The following TMEM232 variants were observed in gnomAD, a reference collection of about 807,000 sequenced individuals.
The protein encoded by TMEM232 is transmembrane protein 232.
TMEM232 carries 80 observed loss-of-function variants against 78.8 expected under a neutral mutation model. That is an observed-to-expected ratio of 1.01 (90% CI 0.85 to 1.22). TMEM232 has a LOEUF of 1.22. TMEM232 is among the 50% of genes most tolerant of loss of function. The pLI, the probability that TMEM232 is intolerant of heterozygous loss-of-function variation, is 0.00. For synonymous variants in TMEM232, 297 were observed against 254.3 expected, an observed-to-expected ratio of 1.17 and a Z score of -1.60; for missense variants, 881 against 742.2, an observed-to-expected ratio of 1.19 and a Z score of -2.17.
At chr5:110,518,128 C>G (rs1429836302) in intron 12 of TMEM232, among the ~76,000 whole-genome samples, 1 of 151,182 alleles carries the variant, frequency 6.6e-6, no homozygotes, top group South Asian at 2.1e-4. Context: ...TGTCTACTCT[C>G]TCTCTCTCTC....
intron 13 of TMEM232, among the ~76,000 whole-genome samples, chr5:110,424,600 G>A (rs1345548610): frequency 6.6e-6 from 1 of 152,092 alleles, no homozygotes; most frequent in Non-Finnish European, 1.5e-5. Flanking sequence ...AACAGGATTA[G>A]GTTAGTATTT....
intron 1 of TMEM232, among the ~76,000 whole-genome samples, chr5:110,708,462 A>G (rs550053830): frequency 2.0e-5 from 3 of 152,334 alleles, no homozygotes; most frequent in East Asian, 3.9e-4. Context: ...CATTGTAATC[A>G]TGGTATGTAA....
intron 10 of TMEM232, among the ~76,000 whole-genome samples, chr5:110,593,651 T>C (rs915574499): frequency 6.6e-6 from 1 of 152,100 alleles, no homozygotes; most frequent in Non-Finnish European, 1.5e-5. Flanking sequence ...CAGAGTAGAA[T>C]GATGGTTACT....
intron 1 of TMEM232, among the ~76,000 whole-genome samples, chr5:110,687,119 C>G (rs1346757998): frequency 6.6e-6 from 1 of 152,098 alleles, no homozygotes; most frequent in Non-Finnish European, 1.5e-5. Flanking sequence ...CCTTTCTTCC[C>G]CCTGAGAAAA....
chr5:110,457,349 C>T (rs1382725369), intron 12 of TMEM232, among the ~76,000 whole-genome samples: 1 of 152,014 alleles, frequency 6.6e-6, no homozygotes, highest in Admixed American at 6.6e-5. Context: ...CTACAGTTAA[C>T]AAACAACCAA....
chr5:110,425,505 G>A (rs573241471), intron 12 of TMEM232, among the ~76,000 whole-genome samples: 5 of 152,140 alleles, frequency 3.3e-5, no homozygotes, highest in Non-Finnish European at 4.4e-5. Context: ...TTAGGGAAGA[G>A]CCTAAAAAGA....
intron 12 of TMEM232, among the ~76,000 whole-genome samples, chr5:110,430,252 CAA>C (rs1393678675): frequency 2.0e-5 from 3 of 151,506 alleles, no homozygotes; most frequent in South Asian, 2.1e-4. Context: ...GCTTATTGCT[CAA>C]AGTTTTCTCT....
chr5:110,452,951 A>AT (rs1378156419), intron 12 of TMEM232, among the ~76,000 whole-genome samples: 1 of 152,228 alleles, frequency 6.6e-6, no homozygotes, highest in East Asian at 1.9e-4. Context: ...GGTGCTTAAC[A>AT]GAACGCTTCT....
At chr5:110,555,586 G>A (rs144706351) in intron 11 of TMEM232, among the ~76,000 whole-genome samples, 24 of 152,226 alleles carry the variant, frequency 1.6e-4, no homozygotes, top group African/African-American at 5.3e-4. Flanking sequence ...TGATCTCTCT[G>A]TCAGTGGAGT....
chr5:110,738,876 C>T, upstream of TMEM232: 1 of 940,200 alleles, frequency 1.1e-6, no homozygotes, highest in Non-Finnish European at 1.5e-6. Flanking sequence ...TATTCCCTAA[C>T]GACAACAAAC....
chr5:110,643,282 G>A (rs1787007052), intron 2 of TMEM232, among the ~76,000 whole-genome samples: 1 of 152,000 alleles, frequency 6.6e-6, no homozygotes, highest in African/African-American at 2.4e-5. Flanking sequence ...GATGATCATG[G>A]CCATCCAAGT....
chr5:110,395,972 G>A (rs911676394), intron 3 of TMEM232, among the ~76,000 whole-genome samples: 6 of 152,120 alleles, frequency 3.9e-5, no homozygotes, highest in African/African-American at 1.4e-4. Context: ...AAGATAGAAG[G>A]AGCCTCATAC....
At position 110,568,518 on chromosome 5, in the gene TMEM232, A is replaced by G; in HGVS notation, c.1384T>C (p.Trp462Arg). The G allele has an allele frequency of 6.5e-7, 1 of 1,549,314 alleles. No homozygotes were observed. ...EEQDGLRNMI[W>R]QTLQKTKDYE... Reference sequence around the variant, plus strand: ...TCCTTTGTTTTCTGCAATGTTTGCCATATCATGTTTCTAAGTCCATCCTGT... The same window carrying G: ...TCCTTTGTTTTCTGCAATGTTTGCCGTATCATGTTTCTAAGTCCATCCTGT... Residue 462 changes from tryptophan to arginine, a missense_variant, in exon 11 of 14, where the codon TGG becomes CGG. Coordinates refer to ENST00000455884, the MANE Select transcript of TMEM232 (RefSeq NM_001039763.4).
At chr5:110,558,610 C>T (rs541237981) in intron 11 of TMEM232, among the ~76,000 whole-genome samples, 13 of 152,106 alleles carry the variant, frequency 8.5e-5, no homozygotes, top group Non-Finnish European at 1.3e-4. Context: ...AGACTAGCCT[C>T]ATCCCACAGG....
At chr5:110,482,362 C>A (rs1383860028) in intron 12 of TMEM232, among the ~76,000 whole-genome samples, 1 of 152,076 alleles carries the variant, frequency 6.6e-6, no homozygotes, top group Non-Finnish European at 1.5e-5. Context: ...AGGCAGATAA[C>A]CTGAGGTCAG....
Position 110,391,432 on chromosome 5 carries a change from CAAG to C in TMEM232, n.391-795_391-793del, listed in dbSNP as rs374261262. Among the ~76,000 whole-genome samples, 61 of 151,728 alleles carry C rather than the reference CAAG, an allele frequency of 4.0e-4. 1 individual carries two copies. In the East Asian group the frequency reaches 8.9e-3, roughly 22 times the overall value. On this transcript the variant is annotated intron_variant and non_coding_transcript_variant, in intron 3 of 8. Transcript: ENST00000507188. ...ATAAATATTTATTGAGCCGATGTGTCAAGAACTGAGGATAAAATGAGCAAAAAT... is the reference window on the plus strand; with the variant it reads ...ATAAATATTTATTGAGCCGATGTGTCAACTGAGGATAAAATGAGCAAAAAT...
Position 110,579,025 on chromosome 5 carries a change from AC to A in TMEM232, c.1277-10401del, listed in dbSNP as rs537903426. Among the ~76,000 whole-genome samples the A allele has an allele frequency of 2.0e-3, 306 of 151,922 alleles. 1 individual carries two copies. Among genetic ancestry groups the A allele is most frequent in the Non-Finnish European group, 3.2e-3 (216 of 67,834 alleles). ...GCCCAAAAGATCTCAAATAAAATTA[AC>A]CCAAAGAAATTCACACTGAGACACA... is the stretch of plus-strand genomic sequence containing the variant. On this transcript the variant is annotated intron_variant, in intron 10 of 13. Coordinates refer to ENST00000455884, the MANE Select transcript of TMEM232 (RefSeq NM_001039763.4).
intron 7 of TMEM232, among the ~76,000 whole-genome samples, chr5:110,622,653 C>T (rs557117450): frequency 3.5e-4 from 53 of 152,060 alleles, no homozygotes; most frequent in Non-Finnish European, 5.9e-4. Context: ...AATAAACATA[C>T]GTGTGCATGT....
At chr5:110,413,186 G>C (rs573286031) in intron 2 of TMEM232, among the ~76,000 whole-genome samples, 3 of 152,230 alleles carry the variant, frequency 2.0e-5, no homozygotes, top group Admixed American at 6.5e-5. Context: ...AAAAAAAGCA[G>C]GCAGAGGAAC....
Sources: gnomAD v4.1 joint callset for allele counts (sites outside exome capture counted in the v4.1 genomes callset) on GRCh38, gnomAD v4.1.1 for gene constraint, MANE v1.5 for transcripts, NCBI Gene and HGNC (gene_info 2026-07-23, HGNC 2026-07-21) for gene names.